Variants in CCDC50 observed in about 807,000 individuals in gnomAD.
The protein encoded by CCDC50 is coiled-coil domain-containing protein 50.
A neutral mutation model predicts 70.2 loss-of-function variants in CCDC50; 54 were observed. That is an observed-to-expected ratio of 0.77 (90% confidence interval 0.62 to 0.96). CCDC50 has a LOEUF of 0.96. Ranked by LOEUF, CCDC50 falls within the 50% of genes least tolerant of loss-of-function variation. CCDC50 has a pLI of 0.00. For missense variants in CCDC50, 558 were observed against 578.7 expected (o/e 0.96, Z 0.37); for synonymous variants, 216 against 198.8 (o/e 1.09, Z -0.73).
At chr3:191,379,708 G>T (rs1713243003) in intron 6 of CCDC50, among the ~76,000 whole-genome samples, 1 of 152,132 alleles carries the variant, frequency 6.6e-6, no homozygotes, top group African/African-American at 2.4e-5. Flanking sequence ...TCCCTCGGAA[G>T]TAGTAAGTAT....
chr3:191,361,015 G>A, intron 3 of CCDC50, 54 bp from the exon 4 acceptor site: 1 of 1,190,078 alleles, frequency 8.4e-7, no homozygotes, highest in African/African-American at 1.5e-5. Context: ...ATTACTTTTA[G>A]GAAATACATT....
Position 191,392,587 on chromosome 3 carries a change from T to C in CCDC50, c.*827T>C, listed in dbSNP as rs1319617250. 6.6e-6 allele frequency: 1 copy of C among 152,264 alleles called. No homozygotes were observed. Among genetic ancestry groups the C allele is most frequent in the Non-Finnish European group, 1.5e-5 (1 of 68,046 alleles). The allele number at this position is 152,264 out of a possible 1,614,324, so 9.4% of individuals were successfully genotyped here. On this transcript the variant is annotated 3_prime_UTR_variant, in exon 12 of 12. Coordinates refer to ENST00000392455, the MANE Select transcript of CCDC50 (RefSeq NM_178335.3). ...ATGATGCCATCCTTCTCTCTGGCTGTAGACTGAGGCTTTTCTCTTGCTTCA... is the reference window on the plus strand; with the variant it reads ...ATGATGCCATCCTTCTCTCTGGCTGCAGACTGAGGCTTTTCTCTTGCTTCA...
rs1713726708 is a variant in CCDC50, at chr3:191,392,451, T to C, written c.*691T>C. The C allele has an allele frequency of 6.6e-6, 1 of 152,236 alleles. No homozygotes were observed. Among genetic ancestry groups the C allele is most frequent in the African/African-American group, 2.4e-5 (1 of 41,464 alleles). The allele number at this position is 152,236 out of a possible 1,614,324, so 9.4% of individuals were successfully genotyped here. A position where few individuals can be genotyped will look rare whatever the true frequency, so the allele number is the denominator to read the frequency against. The stretch of plus-strand genomic sequence containing the variant: ...TTATTAGTATTTATTGACAAAAATT[T>C]AGTTCTCTGAAATTTTAACTCATAT... On this transcript the variant is annotated 3_prime_UTR_variant, in exon 12 of 12. Coordinates refer to ENST00000392455, the MANE Select transcript of CCDC50 (RefSeq NM_178335.3).
At chr3:191,373,687 A>G (rs1712992813) in intron 5 of CCDC50, among the ~76,000 whole-genome samples, 2 of 152,090 alleles carry the variant, frequency 1.3e-5, no homozygotes, top group African/African-American at 4.8e-5. Context: ...TCACCGGGTA[A>G]TTCTTCTGTT....
intron 1 of CCDC50, among the ~76,000 whole-genome samples, chr3:191,334,222 G>T (rs867908498): frequency 6.6e-6 from 1 of 152,080 alleles, no homozygotes; most frequent in Non-Finnish European, 1.5e-5. Context: ...CTTTGCTGTG[G>T]TATAGAATGC....
At chr3:191,344,994 A>G (rs55827603) in intron 1 of CCDC50, among the ~76,000 whole-genome samples, 27,402 of 152,192 alleles carry the variant, frequency 0.18, 2,795 homozygotes, top group East Asian at 0.45. Flanking sequence ...AGTTTTGAAG[A>G]GAACCTTAGT....
chr3:191,337,787 T>C (rs1711568723), intron 1 of CCDC50, among the ~76,000 whole-genome samples: 1 of 152,146 alleles, frequency 6.6e-6, no homozygotes, highest in Non-Finnish European at 1.5e-5. Flanking sequence ...CAGAAGTTCA[T>C]GAGTATCCAA....
intron 4 of CCDC50, among the ~76,000 whole-genome samples, chr3:191,362,314 G>A (rs985814970): frequency 1.3e-5 from 2 of 151,456 alleles, no homozygotes; most frequent in African/African-American, 2.4e-5. Context: ...TTGTAGAGAC[G>A]AGGTCTCACT....
intron 5 of CCDC50, chr3:191,370,356 C>A (rs1400974020): frequency 6.8e-6 from 2 of 294,376 alleles, no homozygotes; most frequent in Non-Finnish European, 1.3e-5. Context: ...TAATGCTATC[C>A]CTCCCCCCTC....
rs1194339887 is a variant in CCDC50, at chr3:191,343,748, A to G, written c.50-13340A>G. Among the ~76,000 whole-genome samples the G allele has an allele frequency of 2.0e-5, 3 of 152,206 alleles. No homozygotes were observed. In the East Asian group the frequency reaches 5.8e-4, roughly 29 times the overall value. ...CCAGTTGAAATTCATAAATGTTCACATTTGTTAATCAGAATCCAGGGTACT... is the reference window on the plus strand; with the variant it reads ...CCAGTTGAAATTCATAAATGTTCACGTTTGTTAATCAGAATCCAGGGTACT... On this transcript the variant is annotated intron_variant, in intron 1 of 11. Coordinates refer to ENST00000392455, the MANE Select transcript of CCDC50 (RefSeq NM_178335.3).
chr3:191,388,162 G>A (rs886685327), intron 10 of CCDC50, among the ~76,000 whole-genome samples: 27 of 151,832 alleles, frequency 1.8e-4, no homozygotes, highest in African/African-American at 6.3e-4. Flanking sequence ...ATATAAAACA[G>A]ATGCATGAAA....
intron 1 of CCDC50, among the ~76,000 whole-genome samples, chr3:191,342,019 A>G (rs1416510272): frequency 6.6e-6 from 1 of 152,230 alleles, no homozygotes; most frequent in Non-Finnish European, 1.5e-5. Flanking sequence ...ATTTGATTCT[A>G]GGAATGTACC....
chr3:191,374,910 T>C (rs1001694137), intron 5 of CCDC50, 152 bp from the exon 6 acceptor site: 1 of 764,534 alleles, frequency 1.3e-6, no homozygotes, highest in Non-Finnish European at 2.2e-6. Flanking sequence ...GTAATGCTCA[T>C]CCCCTCTTCT....
rs373978431 is a variant in CCDC50, at chr3:191,375,400, C to G, written c.787C>G (p.Arg263Gly). 7.4e-6 allele frequency: 12 copies of G among 1,613,722 alleles called. No homozygotes were observed. The highest frequency in any genetic ancestry group is 9.3e-6 in the Non-Finnish European group (11 of 1,179,854). The change falls in exon 6 of 12, where the codon CGA becomes GGA. Residue 263 changes from arginine to glycine, a missense_variant. Physicochemically the swap from Arg to Gly is moderately radical, Grantham distance 125. Transcript: ENST00000392455. Reference protein sequence around the residue: ...DWETKINHQTRNWEKQSRHQD... With the variant: ...DWETKINHQTGNWEKQSRHQD... ...GGAGACTAAGATTAACCATCAGACTCGAAATTGGGAAAAACAGTCTCGACA... is the reference window on the plus strand; with the variant it reads ...GGAGACTAAGATTAACCATCAGACTGGAAATTGGGAAAAACAGTCTCGACA...
intron 1 of CCDC50, among the ~76,000 whole-genome samples, chr3:191,342,056 A>G (rs1315069470): frequency 6.6e-6 from 1 of 152,230 alleles, no homozygotes; most frequent in East Asian, 1.9e-4. Context: ...CTTTTAGACA[A>G]ACACATTTTT....
At position 191,380,809 on chromosome 3, in the gene CCDC50, T is replaced by C. The variant is rs779692812; in HGVS notation, c.1138-19T>C. On this transcript the variant is annotated intron_variant, in intron 8 of 11. Coordinates refer to ENST00000392455, the MANE Select transcript of CCDC50 (RefSeq NM_178335.3). ...ATCTGCACCTCTGCAGTTAATGATA[T>C]TGACTGTATTTTGTTTAGGAAATCG... is the stretch of plus-strand genomic sequence containing the variant. 2.5e-6 allele frequency: 4 copies of C among 1,612,386 alleles called. No individual in the cohort carries two copies. Among genetic ancestry groups the C allele is most frequent in the African/African-American group, 2.7e-5 (2 of 74,880 alleles).
Position 191,332,038 on chromosome 3 carries a change from G to A in CCDC50, c.49+2315G>A, listed in dbSNP as rs532773861. Among the ~76,000 whole-genome samples the A allele has an allele frequency of 3.9e-5, 6 of 152,112 alleles. No homozygotes were observed. In the South Asian group the frequency reaches 1.0e-3, roughly 26 times the overall value. ...GCAGTTACAATTTATATTCAATTTG[G>A]TATCATGGGGTAGATTCCAATAGAG... On this transcript the variant is annotated intron_variant, in intron 1 of 11. Transcript: ENST00000392455.
At chr3:191,367,799 G>T (rs9824437) in intron 4 of CCDC50, among the ~76,000 whole-genome samples, 48,183 of 151,788 alleles carry the variant, frequency 0.32, 7,636 homozygotes, top group Non-Finnish European at 0.32. Context: ...ATAGTTTTGG[G>T]TGCTTAGTAA....
intron 5 of CCDC50, among the ~76,000 whole-genome samples, chr3:191,372,243 G>A (rs186391193): frequency 1.3e-5 from 2 of 152,228 alleles, no homozygotes; most frequent in East Asian, 1.9e-4. Flanking sequence ...AGAGAGTGGC[G>A]TATATGCTTG....
Sources: gnomAD v4.1 joint callset for allele counts (sites outside exome capture counted in the v4.1 genomes callset) on GRCh38, gnomAD v4.1.1 for gene constraint, MANE v1.5 for transcripts, NCBI Gene and HGNC (gene_info 2026-07-23, HGNC 2026-07-21) for gene names.